Variants in ARHGAP10 observed in about 807,000 individuals in gnomAD.
ARHGAP10 encodes rho GTPase-activating protein 10.
In ARHGAP10, 87 loss-of-function variants were observed where a neutral mutation model predicts 108.6. That is an observed-to-expected ratio of 0.80 (90% CI 0.67 to 0.96). The LOEUF is 0.96. Ranked by LOEUF, ARHGAP10 falls within the 40% of genes least tolerant of loss-of-function variation. The pLI is 0.00. For missense variants in ARHGAP10, 939 were observed against 954.5 expected, an observed-to-expected ratio of 0.98 and a Z score of 0.21; for synonymous variants, 347 against 341.1, an observed-to-expected ratio of 1.02 and a Z score of -0.19.
chr4:147,801,170 A>G (rs946078100), intron 1 of ARHGAP10, among the ~76,000 whole-genome samples: 6 of 152,162 alleles, frequency 3.9e-5, no homozygotes, highest in African/African-American at 1.4e-4. Flanking sequence ...TTTAGCATTT[A>G]TTTTTCTACG....
chr4:147,795,715 G>A (rs753099546), intron 1 of ARHGAP10, among the ~76,000 whole-genome samples: 9 of 147,178 alleles, frequency 6.1e-5, no homozygotes, highest in Non-Finnish European at 1.0e-4. Context: ...TTTTTTTTTG[G>A]AGACAGTCTC....
At chr4:147,905,293 A>T (rs978424161) in intron 10 of ARHGAP10, among the ~76,000 whole-genome samples, 1 of 149,348 alleles carries the variant, frequency 6.7e-6, no homozygotes, top group Non-Finnish European at 1.5e-5. Context: ...TGTTTTAGAC[A>T]TGAAGTCCTT....
intron 10 of ARHGAP10, among the ~76,000 whole-genome samples, chr4:147,898,549 A>G (rs969606127): frequency 2.0e-5 from 3 of 151,668 alleles, no homozygotes; most frequent in Non-Finnish European, 4.4e-5. Context: ...AATCTTAGTC[A>G]TTATCTCTTC....
At chr4:147,872,471 A>G (rs1211860953) in intron 7 of ARHGAP10, among the ~76,000 whole-genome samples, 1 of 152,204 alleles carries the variant, frequency 6.6e-6, no homozygotes, top group Non-Finnish European at 1.5e-5. Flanking sequence ...TTGTGTGTTT[A>G]TATAAACACG....
intron 1 of ARHGAP10, among the ~76,000 whole-genome samples, chr4:147,738,659 G>T (rs185389610): frequency 1.4e-3 from 213 of 152,260 alleles, no homozygotes; most frequent in South Asian, 2.7e-3. Flanking sequence ...TAACAATTAT[G>T]ATGACATAAC....
At chr4:148,007,794 A>G (rs1371226800) in intron 18 of ARHGAP10, among the ~76,000 whole-genome samples, 1 of 152,110 alleles carries the variant, frequency 6.6e-6, no homozygotes, top group African/African-American at 2.4e-5. Flanking sequence ...TTCCTCTTCC[A>G]CTTGATATGG....
intron 3 of ARHGAP10, among the ~76,000 whole-genome samples, chr4:147,845,030 C>A (rs1297928653): frequency 6.6e-6 from 1 of 152,222 alleles, no homozygotes; most frequent in Non-Finnish European, 1.5e-5. Context: ...AGGCTCACTT[C>A]ATTGCTCCTT....
At chr4:147,753,294 T>C (rs1184181270) in intron 1 of ARHGAP10, among the ~76,000 whole-genome samples, 2 of 152,110 alleles carry the variant, frequency 1.3e-5, no homozygotes, top group African/African-American at 4.8e-5. Context: ...CTCTGTCCTG[T>C]CAGTTCAGGA....
At chr4:148,064,618 C>G (rs1729781645) in intron 22 of ARHGAP10, 111 bp downstream of exon 22, 1 of 897,678 alleles carries the variant, frequency 1.1e-6, no homozygotes. Context: ...CGAGTCTCCC[C>G]CTTGATGCTT....
chr4:147,991,145 T>TAAAAAAAAAAAA (rs575585774), intron 18 of ARHGAP10, among the ~76,000 whole-genome samples: 10 of 129,024 alleles, frequency 7.8e-5, no homozygotes, highest in African/African-American at 1.5e-4. Context: ...CCCCTGAACC[T>TAAAAAAAAAAAA]AAAAAAAAAA....
At chr4:147,926,697 G>A (rs1005161727) in intron 13 of ARHGAP10, among the ~76,000 whole-genome samples, 1 of 152,146 alleles carries the variant, frequency 6.6e-6, no homozygotes, top group African/African-American at 2.4e-5. Context: ...CTATTTTGAT[G>A]ATGAGAGGAA....
intron 15 of ARHGAP10, among the ~76,000 whole-genome samples, chr4:147,949,140 AAAG>A (rs1291430213): frequency 6.6e-6 from 1 of 152,176 alleles, no homozygotes; most frequent in East Asian, 1.9e-4. Context: ...TGCTTTGTGT[AAAG>A]AAGATGTTTT....
chr4:147,795,190 C>T (rs1430859125), intron 1 of ARHGAP10, among the ~76,000 whole-genome samples: 1 of 152,144 alleles, frequency 6.6e-6, no homozygotes, highest in Admixed American at 6.5e-5. Context: ...TTAAGTAATC[C>T]TCTTGCTTTG....
intron 4 of ARHGAP10, 149 bp downstream of exon 4, chr4:147,847,371 T>A: frequency 5.4e-6 from 4 of 743,290 alleles, no homozygotes; most frequent in Non-Finnish European, 8.6e-6. Context: ...CTTTGGGGGA[T>A]ATGGAATTGG....
At chr4:147,987,020 C>T (rs1037200680) in intron 18 of ARHGAP10, among the ~76,000 whole-genome samples, 6 of 152,078 alleles carry the variant, frequency 3.9e-5, no homozygotes, top group African/African-American at 7.2e-5. Context: ...CAGCAGATAA[C>T]GGGATTATTG....
chr4:147,962,107 A>G (rs1739022178), intron 16 of ARHGAP10, among the ~76,000 whole-genome samples: 1 of 152,170 alleles, frequency 6.6e-6, no homozygotes, highest in African/African-American at 2.4e-5. Flanking sequence ...AGCCATTTGA[A>G]TGTCACTTCC....
chr4:148,031,071 C>CA (rs1053936809), intron 19 of ARHGAP10, among the ~76,000 whole-genome samples: 5 of 151,796 alleles, frequency 3.3e-5, no homozygotes, highest in African/African-American at 1.2e-4. Flanking sequence ...ACAACAACAA[C>CA]AAAAAAATGA....
chr4:148,043,614 A>AATATATATATATATATATATATATATAT lies in ARHGAP10; in HGVS notation c.1868-3267_1868-3240dup, dbSNP rs57931206. On this transcript the variant is annotated intron_variant, in intron 19 of 22. Transcript: ENST00000336498. The stretch of plus-strand genomic sequence containing the variant: ...GACAACATAGGGAGACCCTCTCTCT[A>AATATATATATATATATATATATATATAT]ATATATATATATATATATATATATA... Among the ~76,000 whole-genome samples, 22 of 54,982 alleles carry AATATATATATATATATATATATATATAT rather than the reference A, an allele frequency of 4.0e-4. 1 individual carries two copies. The highest frequency in any genetic ancestry group is 6.0e-4 in the Non-Finnish European group (15 of 25,048). The allele number at this position is 54,982 out of a possible 152,430, so 36.1% of individuals were successfully genotyped here.
chr4:147,779,025 G>T (rs748604858), intron 1 of ARHGAP10, among the ~76,000 whole-genome samples: 2 of 152,188 alleles, frequency 1.3e-5, no homozygotes, highest in African/African-American at 2.4e-5. Flanking sequence ...TAGATGTGGA[G>T]GGTTTCTTCC....
Sources: gnomAD v4.1 joint callset for allele counts (sites outside exome capture counted in the v4.1 genomes callset) on GRCh38, gnomAD v4.1.1 for gene constraint, MANE v1.5 for transcripts, NCBI Gene and HGNC (gene_info 2026-07-23, HGNC 2026-07-21) for gene names.